AFF2: variants seen among roughly 807,000 people sequenced by gnomAD.
AFF2 encodes ALF transcription elongation factor 2.
AFF2 carries 14 observed loss-of-function variants against 76.9 expected under a neutral mutation model. The ratio of observed to expected loss-of-function variants is 0.18; its 90% confidence interval spans 0.12 to 0.28. The LOEUF is 0.28. Among genes scored for constraint, AFF2 ranks in the 10% least tolerant of loss-of-function variants. The pLI is 1.00. For synonymous variants in AFF2, 398 were observed against 366.7 expected, an observed-to-expected ratio of 1.09 and a Z score of -0.98; for missense variants, 868 against 1,001.1, an observed-to-expected ratio of 0.87 and a Z score of 1.79.
At chrX:148,891,034 G>A (rs2071217249) in intron 8 of AFF2, among the ~76,000 whole-genome samples, 1 of 111,927 alleles carries the variant, frequency 8.9e-6, no homozygotes, top group Non-Finnish European at 1.9e-5. Flanking sequence ...CTGGCTGACT[G>A]CATTTTTTGC....
At chrX:148,803,326 A>G (rs2124634755) in intron 3 of AFF2, among the ~76,000 whole-genome samples, 1 of 111,366 alleles carries the variant, frequency 9.0e-6, no homozygotes, top group East Asian at 2.9e-4. Flanking sequence ...AATCATAGCA[A>G]GAAGCCTAGA....
intron 3 of AFF2, among the ~76,000 whole-genome samples, chrX:148,784,933 C>T (rs1557269374): frequency 9.0e-6 from 1 of 111,664 alleles, no homozygotes; most frequent in Non-Finnish European, 1.9e-5. Context: ...ACAAACAAAG[C>T]CATAGGCCAT....
intron 1 of AFF2, among the ~76,000 whole-genome samples, chrX:148,606,013 C>T (rs1041951188): frequency 6.2e-5 from 7 of 112,335 alleles, no homozygotes; most frequent in African/African-American, 2.3e-4. Flanking sequence ...ACTTTAACAA[C>T]TAAGATTATT....
chrX:148,810,548 C>CA (rs1205154368), intron 4 of AFF2, among the ~76,000 whole-genome samples: 4 of 112,139 alleles, frequency 3.6e-5, no homozygotes, highest in Non-Finnish European at 5.6e-5. Context: ...TGGCCATTGG[C>CA]ATCATAAGGC....
chrX:148,914,414 T>A (rs782664343), intron 9 of AFF2, among the ~76,000 whole-genome samples: 21 of 111,956 alleles, frequency 1.9e-4, no homozygotes, highest in Non-Finnish European at 3.8e-4. Context: ...ATATTAATAC[T>A]TGGGCCCTAC....
In AFF2 at chrX:148,608,715, C is replaced by T. The variant is rs187365236; in HGVS notation, c.48-43284C>T. Among the ~76,000 whole-genome samples the T allele has an allele frequency of 2.0e-3, 225 of 110,386 alleles. 5 individuals are homozygous for T. The highest frequency in any genetic ancestry group is 0.02 in the Admixed American group (205 of 10,374). On this transcript the variant is annotated intron_variant, in intron 1 of 20. Coordinates refer to ENST00000370460, the MANE Select transcript of AFF2 (RefSeq NM_002025.4). ...AAAAAAATTGATAGAGACGGGGTCT[C>T]ACCATGTTACCTGGGCTAGGTGAAA...
intron 3 of AFF2, among the ~76,000 whole-genome samples, chrX:148,695,936 A>G (rs1258069264): frequency 8.9e-6 from 1 of 112,284 alleles, no homozygotes; most frequent in Non-Finnish European, 1.9e-5. Flanking sequence ...GTCTAACATC[A>G]TGGAGTTATT....
chrX:148,682,826 T>C (rs1253740436), intron 3 of AFF2, among the ~76,000 whole-genome samples: 8 of 112,396 alleles, frequency 7.1e-5, no homozygotes, highest in Non-Finnish European at 1.3e-4. Flanking sequence ...GGATGTGTTT[T>C]TTTTCTTGTA....
intron 9 of AFF2, among the ~76,000 whole-genome samples, chrX:148,915,644 A>C (rs1169095280): frequency 8.9e-6 from 1 of 112,553 alleles, no homozygotes; most frequent in African/African-American, 3.2e-5. Context: ...TGCTAATAAT[A>C]GCATCTACAT....
chrX:148,511,194 A>G (rs1307835521), intron 1 of AFF2, among the ~76,000 whole-genome samples: 3 of 111,005 alleles, frequency 2.7e-5, no homozygotes, highest in African/African-American at 9.8e-5. Context: ...TTTTCTTGTC[A>G]TGAGGTATAC....
intron 3 of AFF2, among the ~76,000 whole-genome samples, chrX:148,740,370 G>A (rs1557265513): frequency 2.0e-4 from 22 of 111,113 alleles, no homozygotes; most frequent in Non-Finnish European, 7.6e-5. Context: ...CTTTGTCTTT[G>A]TTGGATTGAG....
chrX:148,528,561 A>G (rs1987301735), intron 1 of AFF2, among the ~76,000 whole-genome samples: 1 of 111,529 alleles, frequency 9.0e-6, no homozygotes, highest in African/African-American at 3.3e-5. Flanking sequence ...AATTGGGGCT[A>G]GGCATGATGT....
At chrX:148,775,745 T>G (rs1308073378) in intron 3 of AFF2, among the ~76,000 whole-genome samples, 4 of 111,309 alleles carry the variant, frequency 3.6e-5, no homozygotes, top group African/African-American at 1.3e-4. Flanking sequence ...TGTCTTCTAT[T>G]CTTCTCCTTG....
At chrX:148,691,814 A>G (rs2054654009) in intron 3 of AFF2, among the ~76,000 whole-genome samples, 1 of 111,712 alleles carries the variant, frequency 9.0e-6, no homozygotes, top group South Asian at 3.7e-4. Flanking sequence ...TGACATTACT[A>G]ATTGATTACA....
chrX:148,862,936 C>G (rs1333365751), intron 7 of AFF2, among the ~76,000 whole-genome samples: 1 of 111,657 alleles, frequency 9.0e-6, no homozygotes, highest in East Asian at 2.8e-4. Context: ...TGTTGGGTAG[C>G]AGATATGAGC....
At chrX:148,545,383 A>G (rs5936391) in intron 1 of AFF2, among the ~76,000 whole-genome samples, 36,158 of 111,021 alleles carry the variant, frequency 0.33, 4,553 homozygotes, top group African/African-American at 0.43. Flanking sequence ...ATTGTCCTTC[A>G]GAGTTGGGTA....
At chrX:148,950,883 A>G (rs1351742072) in intron 9 of AFF2, among the ~76,000 whole-genome samples, 1 of 111,801 alleles carries the variant, frequency 8.9e-6, no homozygotes, top group South Asian at 3.8e-4. Context: ...CTGAGAACCA[A>G]TATTTTTTCT....
chrX:148,652,059 A>G lies in AFF2; in HGVS notation c.108A>G (p.Glu36=), dbSNP rs781827532. ...KKREWERRNQ[E]VQQEDDLFSS... ...GGGAATGGGAGCGGAGGAATCAAGA[A>G]GTCCAGCAAGAAGACGATCTCTTTT... Residue 36 remains glutamate (E), a synonymous_variant, in exon 2 of 21, where the codon GAA becomes GAG. Transcript: ENST00000370460. The G allele has an allele frequency of 7.5e-6, 9 of 1,203,980 alleles. No homozygotes were observed. The highest frequency in any genetic ancestry group is 1.0e-5 in the Non-Finnish European group (9 of 888,474).
At chrX:148,527,649 G>T (rs782256442) in intron 1 of AFF2, among the ~76,000 whole-genome samples, 1 of 111,668 alleles carries the variant, frequency 9.0e-6, no homozygotes, top group East Asian at 2.8e-4. Context: ...CTACGTGAAA[G>T]ATATATAGGC....
Sources: allele counts gnomAD v4.1 joint callset (sites outside exome capture counted in the v4.1 genomes callset), GRCh38; gene constraint gnomAD v4.1.1; transcripts MANE v1.5; gene names NCBI Gene and HGNC (gene_info 2026-07-23, HGNC 2026-07-21).